Variants in IL19 observed in about 807,000 individuals in gnomAD.
IL19 encodes the protein interleukin-19.
Under a neutral mutation model 19.5 loss-of-function variants are expected in IL19, and 15 were observed. The observed-to-expected ratio is 0.77, with a 90% CI of 0.52 to 1.19. The LOEUF is 1.19. Among genes scored for constraint, IL19 ranks in the 50% most tolerant of loss-of-function variants. The pLI is 0.00. For synonymous variants in IL19, 78 were observed against 78.3 expected (o/e 1.00, Z 0.02); for missense variants, 199 against 213.1 (o/e 0.93, Z 0.41).
intron 2 of IL19, among the ~76,000 whole-genome samples, chr1:206,811,149 CAAACTGTTTTG>C (rs1462666360): frequency 6.6e-6 from 1 of 152,152 alleles, no homozygotes; most frequent in Non-Finnish European, 1.5e-5. Flanking sequence ...TAGTGATAAT[CAAACTGTTTTG>C]AAACCTAGAG....
At chr1:206,791,358 A>G (rs1228917999) in intron 1 of IL19, among the ~76,000 whole-genome samples, 1 of 150,942 alleles carries the variant, frequency 6.6e-6, no homozygotes, top group Non-Finnish European at 1.5e-5. Flanking sequence ...GCTGGAGTAC[A>G]ATGGCATGAT....
At chr1:206,800,655 C>A (rs1451378292) in intron 2 of IL19, among the ~76,000 whole-genome samples, 1 of 152,142 alleles carries the variant, frequency 6.6e-6, no homozygotes, top group Non-Finnish European at 1.5e-5. Context: ...GGTGATCAAG[C>A]CCTTCCAGAT....
intron 6 of IL19, among the ~76,000 whole-genome samples, chr1:206,841,459 A>G (rs1490175102): frequency 2.0e-5 from 3 of 152,174 alleles, no homozygotes; most frequent in African/African-American, 7.2e-5. Flanking sequence ...CTGCCCCCCC[A>G]TATTGTGTGT....
At chr1:206,822,319 G>A (rs1312869797) in intron 2 of IL19, among the ~76,000 whole-genome samples, 1 of 152,214 alleles carries the variant, frequency 6.6e-6, no homozygotes, top group Non-Finnish European at 1.5e-5. Context: ...TATGGGCAAA[G>A]TTGGCACAAG....
chr1:206,827,492 C>T (rs1676465855), intron 2 of IL19, among the ~76,000 whole-genome samples: 1 of 152,066 alleles, frequency 6.6e-6, no homozygotes, highest in African/African-American at 2.4e-5. Flanking sequence ...AGATCGAGAC[C>T]ATCCTGGCTA....
chr1:206,784,229 G>A (rs1047163961), intron 1 of IL19, among the ~76,000 whole-genome samples: 2 of 152,110 alleles, frequency 1.3e-5, no homozygotes, highest in South Asian at 4.1e-4. Flanking sequence ...AATAATCCAA[G>A]GGCTTGCCAG....
chr1:206,838,582 C>T (rs892417147), intron 4 of IL19, among the ~76,000 whole-genome samples: 1 of 152,126 alleles, frequency 6.6e-6, no homozygotes, highest in Non-Finnish European at 1.5e-5. Context: ...GACAGTGAGA[C>T]CTTGGGAGGG....
intron 1 of IL19, among the ~76,000 whole-genome samples, chr1:206,792,463 CT>C (rs956871471): frequency 1.3e-5 from 2 of 151,412 alleles, no homozygotes; most frequent in African/African-American, 4.8e-5. Context: ...CCCACCCCGC[CT>C]TTTTTTTTCT....
chr1:206,802,528 A>G (rs1398040882), intron 2 of IL19, among the ~76,000 whole-genome samples: 2 of 152,200 alleles, frequency 1.3e-5, no homozygotes, highest in Non-Finnish European at 2.9e-5. Context: ...TCACGAAGCC[A>G]ATAAGTGATG....
chr1:206,835,724 CAT>C (rs1436257442), intron 2 of IL19, among the ~76,000 whole-genome samples: 1 of 152,246 alleles, frequency 6.6e-6, no homozygotes, highest in Non-Finnish European at 1.5e-5. Context: ...GCTCTCGTCA[CAT>C]GTGTTGTCAT....
intron 1 of IL19, among the ~76,000 whole-genome samples, chr1:206,774,652 A>G (rs1674946609): frequency 1.3e-5 from 2 of 152,300 alleles, no homozygotes; most frequent in South Asian, 4.2e-4. Flanking sequence ...CTACGTGGTT[A>G]TCATTCATGT....
chr1:206,827,417 A>G lies in IL19; in HGVS notation c.-2-9244A>G, dbSNP rs932941629. Reference sequence around the variant, plus strand: ...TTCAAAACGCTTCTCTCGGCCGGGCACGGTGGCTCACGCCTGTAATCCCAG... The same window carrying G: ...TTCAAAACGCTTCTCTCGGCCGGGCGCGGTGGCTCACGCCTGTAATCCCAG... On this transcript the variant is annotated intron_variant, in intron 2 of 6. Coordinates refer to ENST00000659997, the MANE Select transcript of IL19 (RefSeq NM_153758.5). Among the ~76,000 whole-genome samples the G allele has an allele frequency of 2.6e-5, 4 of 152,122 alleles. 1 individual carries two copies. The highest frequency in any genetic ancestry group is 4.4e-5 in the Non-Finnish European group (3 of 68,028).
chr1:206,835,546 G>A (rs1198206344), intron 2 of IL19, among the ~76,000 whole-genome samples: 1 of 152,182 alleles, frequency 6.6e-6, no homozygotes, highest in Non-Finnish European at 1.5e-5. Flanking sequence ...ACACTCACAC[G>A]TGTGAGTTAC....
chr1:206,799,738 C>T (rs1482827274), intron 2 of IL19, among the ~76,000 whole-genome samples: 1 of 152,154 alleles, frequency 6.6e-6, no homozygotes, highest in Non-Finnish European at 1.5e-5. Flanking sequence ...AGCCAGGAGA[C>T]CAGGGTCACA....
chr1:206,791,109 A>C (rs149854179), intron 1 of IL19, among the ~76,000 whole-genome samples: 1 of 152,294 alleles, frequency 6.6e-6, no homozygotes, highest in African/African-American at 2.4e-5. Flanking sequence ...TGTATCCACC[A>C]ATAAACAGAT....
At chr1:206,824,885 C>G (rs1328514006) in intron 2 of IL19, among the ~76,000 whole-genome samples, 7 of 152,136 alleles carry the variant, frequency 4.6e-5, no homozygotes, top group Admixed American at 3.9e-4. Context: ...GCCTTAGCCT[C>G]CTGGGATTAC....
intron 1 of IL19, among the ~76,000 whole-genome samples, chr1:206,778,231 G>A (rs1400126638): frequency 6.6e-6 from 1 of 152,198 alleles, no homozygotes; most frequent in Non-Finnish European, 1.5e-5. Context: ...ATTCCCCTTT[G>A]TGCAACTATG....
At chr1:206,828,656 T>C (rs1676503104) in intron 2 of IL19, among the ~76,000 whole-genome samples, 1 of 152,176 alleles carries the variant, frequency 6.6e-6, no homozygotes, top group African/African-American at 2.4e-5. Context: ...TAAAAAAAAG[T>C]ATTGACATAG....
intron 2 of IL19, among the ~76,000 whole-genome samples, chr1:206,801,958 C>G (rs1675719495): frequency 6.6e-6 from 1 of 152,092 alleles, no homozygotes; most frequent in Admixed American, 6.6e-5. Context: ...AGGGAAGGGA[C>G]ATTTGGGTGG....
Sources: allele counts gnomAD v4.1 joint callset (sites outside exome capture counted in the v4.1 genomes callset), GRCh38; gene constraint gnomAD v4.1.1; transcripts MANE v1.5; gene names NCBI Gene and HGNC (gene_info 2026-07-23, HGNC 2026-07-21).